Variants in ATP8A2 observed in about 807,000 individuals in gnomAD.
ATP8A2 encodes ATPase phospholipid transporting 8A2.
Under a neutral mutation model 165.6 loss-of-function variants are expected in ATP8A2, and 100 were observed. The observed-to-expected ratio is 0.60, with a 90% CI of 0.51 to 0.71. The LOEUF (loss-of-function observed/expected upper bound fraction) is 0.71. Among genes scored for constraint, ATP8A2 ranks in the 30% least tolerant of loss-of-function variants. The pLI is 0.00. For synonymous variants in ATP8A2, 543 were observed against 548.8 expected, an observed-to-expected ratio of 0.99 and a Z score of 0.15; for missense variants, 1,227 against 1,479.5, an observed-to-expected ratio of 0.83 and a Z score of 2.80.
At position 25,396,625 on chromosome 13, in the gene ATP8A2, G is replaced by A. The variant is rs7986986; in HGVS notation, c.76+24337G>A. On this transcript the variant is annotated intron_variant, in intron 1 of 36. Coordinates refer to ENST00000381655, the MANE Select transcript of ATP8A2 (RefSeq NM_016529.6). ...CCCCGGGTAGCCTGCAATCATGAGG[G>A]TGCTCTTGGGTGCATTACTATCTTC... Among the ~76,000 whole-genome samples, 1,154 of 152,208 alleles carry A rather than the reference G, an allele frequency of 7.6e-3. 15 individuals are homozygous for A. Among genetic ancestry groups the A allele is most frequent in the African/African-American group, 0.026 (1,071 of 41,520 alleles).
chr13:25,880,699 T>C (rs1952956214), intron 33 of ATP8A2, among the ~76,000 whole-genome samples: 1 of 152,196 alleles, frequency 6.6e-6, no homozygotes, highest in Admixed American at 6.5e-5. Flanking sequence ...TATTTATTGT[T>C]ACAAGTTACG....
intron 33 of ATP8A2, among the ~76,000 whole-genome samples, chr13:25,876,364 G>C (rs1952819003): frequency 6.6e-6 from 1 of 152,298 alleles, no homozygotes; most frequent in Non-Finnish European, 1.5e-5. Context: ...AAAGAGTAAG[G>C]AAAAGCAGAG....
chr13:25,441,606 T>G (rs928307533), intron 1 of ATP8A2, among the ~76,000 whole-genome samples: 11 of 152,212 alleles, frequency 7.2e-5, no homozygotes, highest in Admixed American at 2.0e-4. Flanking sequence ...TATGATTCTT[T>G]TAGATATACT....
chr13:25,921,889 C>T (rs915170308), intron 33 of ATP8A2, among the ~76,000 whole-genome samples: 2 of 152,100 alleles, frequency 1.3e-5, no homozygotes, highest in Admixed American at 6.5e-5. Context: ...AAGTAAATAA[C>T]GTATTGAGGT....
chr13:25,685,007 A>G (rs1254506194), intron 24 of ATP8A2, among the ~76,000 whole-genome samples: 3 of 152,228 alleles, frequency 2.0e-5, no homozygotes, highest in African/African-American at 7.2e-5. Flanking sequence ...AGAAGAATGT[A>G]TTAATGTATA....
intron 25 of ATP8A2, among the ~76,000 whole-genome samples, chr13:25,719,451 G>GTGGATGGGTGGA (rs1379243385): frequency 6.6e-6 from 1 of 151,736 alleles, no homozygotes; most frequent in Non-Finnish European, 1.5e-5. Context: ...GGGTGGATGG[G>GTGGATGGGTGGA]TGGATGGGTG....
chr13:25,396,871 C>T (rs1434695029), intron 1 of ATP8A2, among the ~76,000 whole-genome samples: 4 of 152,194 alleles, frequency 2.6e-5, no homozygotes, highest in Admixed American at 1.3e-4. Flanking sequence ...TGTGGTGAGA[C>T]AGAACACTCA....
intron 30 of ATP8A2, among the ~76,000 whole-genome samples, chr13:25,857,275 C>G (rs1026417766): frequency 6.6e-6 from 1 of 152,190 alleles, no homozygotes; most frequent in African/African-American, 2.4e-5. Context: ...CTCCCTCGTA[C>G]CATTCAGATC....
chr13:25,480,278 G>A (rs1298739673), intron 2 of ATP8A2, among the ~76,000 whole-genome samples: 9 of 150,350 alleles, frequency 6.0e-5, no homozygotes, highest in Non-Finnish European at 1.2e-4. Context: ...CGGACGGGGC[G>A]GCTGGCCGGG....
At position 25,381,980 on chromosome 13, in the gene ATP8A2, C is replaced by G. The variant is rs1313159284; in HGVS notation, c.76+9692C>G. Among the ~76,000 whole-genome samples, 3 of 152,210 alleles carry G rather than the reference C, an allele frequency of 2.0e-5. No individual in the cohort carries two copies. The East Asian group carries it at 5.8e-4, about 29-fold the overall frequency. ...ACCATAGCGTCACACCATGATGTCA[C>G]ACTGTGTCACACCGTGACAATGTAT... On this transcript the variant is annotated intron_variant, in intron 1 of 36. Transcript: ENST00000381655.
At position 25,862,417 on chromosome 13, in the gene ATP8A2, T is replaced by C. The variant is rs1361332718; in HGVS notation, c.3183+9T>C. The C allele has an allele frequency of 3.1e-6, 5 of 1,598,070 alleles. No homozygotes were observed. The South Asian group carries it at 4.4e-5, about 14-fold the overall frequency. The stretch of plus-strand genomic sequence containing the variant: ...CAGATATGAGAGGACAGGTAAGTAC[T>C]CCTGATTGGGAGTGTGTCTTCTGTG... On this transcript the variant is annotated intron_variant, in intron 33 of 36. Coordinates refer to ENST00000381655, the MANE Select transcript of ATP8A2 (RefSeq NM_016529.6).
chr13:25,896,198 C>G (rs1261646878), intron 33 of ATP8A2, among the ~76,000 whole-genome samples: 1 of 152,230 alleles, frequency 6.6e-6, no homozygotes, highest in Admixed American at 6.5e-5. Flanking sequence ...CTACACACTA[C>G]TTTGAATGTG....
At chr13:25,413,986 G>A (rs981724548) in intron 1 of ATP8A2, among the ~76,000 whole-genome samples, 67 of 152,066 alleles carry the variant, frequency 4.4e-4, no homozygotes, top group African/African-American at 1.2e-3. Context: ...TGAGCGTGAG[G>A]CGTGGTCAGT....
chr13:25,773,797 C>T (rs2044679001), intron 26 of ATP8A2, among the ~76,000 whole-genome samples: 3 of 151,888 alleles, frequency 2.0e-5, no homozygotes, highest in South Asian at 2.1e-4. Flanking sequence ...TCCTGTGTGC[C>T]ACTATCTCTG....
chr13:25,423,060 G>C (rs932476307), intron 1 of ATP8A2, among the ~76,000 whole-genome samples: 1 of 152,028 alleles, frequency 6.6e-6, no homozygotes, highest in East Asian at 1.9e-4. Flanking sequence ...CAACTTTCAC[G>C]TGTCTTCTTT....
At chr13:25,736,428 C>T (rs9634423) in intron 25 of ATP8A2, among the ~76,000 whole-genome samples, 68,744 of 151,988 alleles carry the variant, frequency 0.45, 15,838 homozygotes, top group East Asian at 0.57. Context: ...CTGAACGCGA[C>T]ATGAGGTTGA....
At chr13:25,569,824 T>G (rs2039415278) in intron 16 of ATP8A2, among the ~76,000 whole-genome samples, 1 of 152,204 alleles carries the variant, frequency 6.6e-6, no homozygotes, top group Admixed American at 6.5e-5. Context: ...GGAAATAAGA[T>G]TCCATTCATA....
At chr13:25,778,486 A>G (rs892359701) in intron 27 of ATP8A2, among the ~76,000 whole-genome samples, 1 of 152,138 alleles carries the variant, frequency 6.6e-6, no homozygotes, top group Non-Finnish European at 1.5e-5. Context: ...CTGTGCCTCC[A>G]TCCTCCCTGC....
intron 6 of ATP8A2, among the ~76,000 whole-genome samples, chr13:25,537,492 T>G (rs998056887): frequency 3.3e-5 from 5 of 152,232 alleles, no homozygotes; most frequent in African/African-American, 1.2e-4. Context: ...GTAGTCACTC[T>G]ATGAAATATG....
Sources: allele counts gnomAD v4.1 joint callset (sites outside exome capture counted in the v4.1 genomes callset), GRCh38; gene constraint gnomAD v4.1.1; transcripts MANE v1.5; gene names NCBI Gene and HGNC (gene_info 2026-07-23, HGNC 2026-07-21).